The following PCGF5 variants were observed in gnomAD, a reference collection of about 807,000 sequenced individuals.
The protein encoded by PCGF5 is polycomb group ring finger 5.
Under a neutral mutation model 44.3 loss-of-function variants are expected in PCGF5, and 9 were observed. The ratio of observed to expected loss-of-function variants is 0.20; its 90% confidence interval spans 0.12 to 0.35. PCGF5 has a LOEUF of 0.35. PCGF5 is among the 10% of genes least tolerant of loss of function. PCGF5 has a pLI of 1.00. For synonymous variants in PCGF5, 95 were observed against 102.5 expected (o/e 0.93, Z 0.44); for missense variants, 146 against 305.3 (o/e 0.48, Z 3.89).
At chr10:91,208,890 A>G (rs1161514435) in intron 1 of PCGF5, among the ~76,000 whole-genome samples, 2 of 152,224 alleles carry the variant, frequency 1.3e-5, no homozygotes, top group Non-Finnish European at 2.9e-5. Context: ...TACCAAGGGA[A>G]GTTAGGCAGT....
At chr10:91,213,214 A>G (rs757552129) in intron 1 of PCGF5, among the ~76,000 whole-genome samples, 4 of 152,184 alleles carry the variant, frequency 2.6e-5, no homozygotes, top group Non-Finnish European at 5.9e-5. Flanking sequence ...TATTAATTCT[A>G]TTTGTGTTTT....
intron 1 of PCGF5, among the ~76,000 whole-genome samples, chr10:91,177,000 A>C (rs1843718556): frequency 6.6e-6 from 1 of 152,104 alleles, no homozygotes; most frequent in Non-Finnish European, 1.5e-5. Context: ...TAGAATTTTC[A>C]GTTTTTCTGC....
At chr10:91,208,303 T>C (rs1403679735) in intron 1 of PCGF5, among the ~76,000 whole-genome samples, 1 of 152,208 alleles carries the variant, frequency 6.6e-6, no homozygotes, top group Admixed American at 6.5e-5. Context: ...TCCATTCCTC[T>C]TGCTCATTTT....
chr10:91,193,105 G>A (rs1037669239), intron 1 of PCGF5, among the ~76,000 whole-genome samples: 3 of 152,160 alleles, frequency 2.0e-5, no homozygotes, highest in Admixed American at 6.5e-5. Flanking sequence ...CATGCTGAGA[G>A]TGCATGGCAA....
intron 1 of PCGF5, among the ~76,000 whole-genome samples, chr10:91,205,687 A>T (rs1844335219): frequency 6.6e-6 from 1 of 152,198 alleles, no homozygotes; most frequent in Non-Finnish European, 1.5e-5. Flanking sequence ...TTTACAGTTA[A>T]TAAAACTGAG....
intron 1 of PCGF5, among the ~76,000 whole-genome samples, chr10:91,187,513 C>A (rs1324411283): frequency 6.6e-6 from 1 of 151,852 alleles, no homozygotes; most frequent in Non-Finnish European, 1.5e-5. Flanking sequence ...AACAAATAGT[C>A]TTTTCATTAA....
At chr10:91,272,470 CA>C (rs562609115) in intron 9 of PCGF5, among the ~76,000 whole-genome samples, 8 of 146,418 alleles carry the variant, frequency 5.5e-5, no homozygotes, top group African/African-American at 1.6e-4. Flanking sequence ...TATAGCAAGA[CA>C]AAAAAAAATT....
upstream of PCGF5, among the ~76,000 whole-genome samples, chr10:91,216,178 A>G (rs1044381726): frequency 6.6e-6 from 1 of 152,184 alleles, no homozygotes; most frequent in Non-Finnish European, 1.5e-5. Flanking sequence ...TTGATTTGAG[A>G]GGATAAATGT....
upstream of PCGF5, among the ~76,000 whole-genome samples, chr10:91,216,407 T>C (rs935262609): frequency 1.3e-5 from 2 of 152,106 alleles, no homozygotes; most frequent in Admixed American, 1.3e-4. Context: ...AGGTACATTA[T>C]GGCTGGAGCA....
At chr10:91,202,559 T>TA (rs1225745393) in intron 1 of PCGF5, among the ~76,000 whole-genome samples, 1 of 152,232 alleles carries the variant, frequency 6.6e-6, no homozygotes, top group South Asian at 2.1e-4. Context: ...TAGTCATCGT[T>TA]ACTGTTAATT....
In PCGF5 at chr10:91,250,486, T is replaced by C. The variant is rs76456872; in HGVS notation, c.326-806T>C. ...TTTTACCTCTCACATCCTGTATTTG[T>C]CTGGTTTTTTCTTTTTTTTTTTTTT... On this transcript the variant is annotated intron_variant, in intron 5 of 9. Coordinates refer to ENST00000336126, the MANE Select transcript of PCGF5 (RefSeq NM_032373.5). Among the ~76,000 whole-genome samples the C allele has an allele frequency of 1.0e-4, 15 of 144,948 alleles. No homozygotes were observed. In the East Asian group the frequency reaches 2.9e-3, roughly 28 times the overall value.
intron 9 of PCGF5, among the ~76,000 whole-genome samples, chr10:91,276,785 T>C (rs1846325855): frequency 6.6e-6 from 1 of 152,180 alleles, no homozygotes; most frequent in African/African-American, 2.4e-5. Context: ...GCAAATTCAA[T>C]AGAATCAGGA....
intron 1 of PCGF5, among the ~76,000 whole-genome samples, chr10:91,194,638 T>C (rs2133219772): frequency 6.6e-6 from 1 of 152,170 alleles, no homozygotes; most frequent in Non-Finnish European, 1.5e-5. Flanking sequence ...ATACACAGAG[T>C]AAGCAGTTGG....
chr10:91,213,612 G>A (rs902875625), intron 1 of PCGF5, among the ~76,000 whole-genome samples: 1 of 151,406 alleles, frequency 6.6e-6, no homozygotes, highest in African/African-American at 2.4e-5. Flanking sequence ...TTATAGGCAT[G>A]CACCACCACA....
At position 91,279,179 on chromosome 10, in the gene PCGF5, A is replaced by G. The variant is rs1054220547; in HGVS notation, c.*863A>G. On this transcript the variant is annotated 3_prime_UTR_variant, in exon 10 of 10. Transcript: ENST00000336126. ...CATGTATCATTACATTGTTGCTGTT[A>G]TTTAATGAGTGCATTATTTCTCTTT... 6.6e-6 allele frequency: 1 copy of G among 152,170 alleles called. No homozygotes were observed. The highest frequency in any genetic ancestry group is 2.1e-4 in the South Asian group (1 of 4,828). 9.4% of individuals were successfully genotyped at this position (152,170 alleles called of 1,614,324 possible).
chr10:91,245,678 G>A (rs1242041620), intron 3 of PCGF5, among the ~76,000 whole-genome samples: 2 of 152,166 alleles, frequency 1.3e-5, no homozygotes, highest in East Asian at 1.9e-4. Context: ...AAAAAAAATT[G>A]TAGCAACAGG....
At chr10:91,185,677 C>T (rs1843909588) in intron 1 of PCGF5, among the ~76,000 whole-genome samples, 1 of 152,178 alleles carries the variant, frequency 6.6e-6, no homozygotes, top group Non-Finnish European at 1.5e-5. Flanking sequence ...GCCAAGACTC[C>T]ACATAGTTCT....
At chr10:91,172,682 C>A (rs1843631150) in intron 1 of PCGF5, among the ~76,000 whole-genome samples, 1 of 152,194 alleles carries the variant, frequency 6.6e-6, no homozygotes, top group South Asian at 2.1e-4. Context: ...GTACTCATAA[C>A]TTTTGTGTTT....
chr10:91,222,340 T>C (rs1238794133), intron 1 of PCGF5, among the ~76,000 whole-genome samples: 3 of 152,178 alleles, frequency 2.0e-5, no homozygotes, highest in Non-Finnish European at 4.4e-5. Flanking sequence ...GGGAGGATAA[T>C]TACTTAAGTT....
Sources: gnomAD v4.1 joint callset for allele counts (sites outside exome capture counted in the v4.1 genomes callset) on GRCh38, gnomAD v4.1.1 for gene constraint, MANE v1.5 for transcripts, NCBI Gene and HGNC (gene_info 2026-07-23, HGNC 2026-07-21) for gene names.